ADAMTS19: variants seen among roughly 807,000 people sequenced by gnomAD.
The protein encoded by ADAMTS19 is ADAM metallopeptidase with thrombospondin type 1 motif 19, also known as A disintegrin and metalloproteinase with thrombospondin motifs 19.
In ADAMTS19, 93 loss-of-function variants were observed where a neutral mutation model predicts 153.3. The ratio of observed to expected loss-of-function variants is 0.61; its 90% CI spans 0.51 to 0.72. The LOEUF is 0.72. Among genes scored for constraint, ADAMTS19 ranks in the 30% least tolerant of loss-of-function variants. The pLI, the probability that ADAMTS19 is intolerant of heterozygous loss-of-function variation, is 0.00. For missense variants in ADAMTS19, 1,482 were observed against 1,552.1 expected (o/e 0.95, Z 0.76); for synonymous variants, 600 against 556.6 (o/e 1.08, Z -1.10).
chr5:129,730,473 G>C (rs953966252), intron 21 of ADAMTS19, among the ~76,000 whole-genome samples: 19 of 152,082 alleles, frequency 1.2e-4, no homozygotes, highest in Non-Finnish European at 2.9e-5. Context: ...TCTGCAGTAA[G>C]CTATTGTCAT....
chr5:129,517,793 A>T (rs1751661693), intron 3 of ADAMTS19, among the ~76,000 whole-genome samples: 1 of 151,878 alleles, frequency 6.6e-6, no homozygotes, highest in African/African-American at 2.4e-5. Flanking sequence ...TAATGTTATT[A>T]TTGATAAGTA....
chr5:129,628,382 A>G (rs745683016), intron 10 of ADAMTS19, among the ~76,000 whole-genome samples: 22 of 152,180 alleles, frequency 1.4e-4, no homozygotes, highest in Admixed American at 4.6e-4. Flanking sequence ...TGATGAAATC[A>G]TCTGTACAAC....
intron 19 of ADAMTS19, among the ~76,000 whole-genome samples, chr5:129,699,422 CAAAAAA>C (rs536240544): frequency 1.2e-5 from 1 of 80,586 alleles, no homozygotes; most frequent in Admixed American, 1.4e-4. Context: ...GACTTCATCT[CAAAAAA>C]AAAAAAAAAA....
intron 2 of ADAMTS19, among the ~76,000 whole-genome samples, chr5:129,504,902 C>CACA (rs1751223713): frequency 6.7e-6 from 1 of 148,990 alleles, no homozygotes; most frequent in East Asian, 1.9e-4. Context: ...CACACACACA[C>CACA]ACCATTTTTT....
chr5:129,554,821 C>T (rs1214913174), intron 7 of ADAMTS19, among the ~76,000 whole-genome samples: 1 of 152,038 alleles, frequency 6.6e-6, no homozygotes, highest in African/African-American at 2.4e-5. Flanking sequence ...TATTAATAAC[C>T]TCTCTATTGT....
intron 8 of ADAMTS19, among the ~76,000 whole-genome samples, chr5:129,608,140 A>ATATATATATATATATATATATAT (rs1164899419): frequency 7.5e-4 from 100 of 132,804 alleles, no homozygotes; most frequent in African/African-American, 1.0e-3. Context: ...ATATATATAT[A>ATATATATATATATATATATATAT]ATGGAACATT....
At chr5:129,525,265 G>A (rs1342970007) in intron 3 of ADAMTS19, among the ~76,000 whole-genome samples, 1 of 152,058 alleles carries the variant, frequency 6.6e-6, no homozygotes, top group Non-Finnish European at 1.5e-5. Flanking sequence ...CTCTCAGCGT[G>A]TATGCATATG....
rs192508458 is a variant in ADAMTS19, at chr5:129,696,347, G to T, written c.2954+1492G>T. Among the ~76,000 whole-genome samples the T allele has an allele frequency of 9.9e-5, 15 of 152,264 alleles. No individual in the cohort carries two copies. The East Asian group carries it at 2.7e-3, about 28-fold the overall frequency. On this transcript the variant is annotated intron_variant, in intron 19 of 22. Coordinates refer to ENST00000274487, the MANE Select transcript of ADAMTS19 (RefSeq NM_133638.6). ...CAGGAGAATCACTTGAACCCAGGAG[G>T]TGGAGGTTCTAGTGAGCAGAGATCA... is the stretch of plus-strand genomic sequence containing the variant.
At chr5:129,591,513 G>A (rs915457990) in intron 7 of ADAMTS19, among the ~76,000 whole-genome samples, 2 of 151,702 alleles carry the variant, frequency 1.3e-5, no homozygotes, top group Non-Finnish European at 2.9e-5. Flanking sequence ...GGGTGGTCTC[G>A]AACTCCTGAC....
chr5:129,516,888 CTTT>C (rs200576506), intron 3 of ADAMTS19, among the ~76,000 whole-genome samples: 2 of 105,694 alleles, frequency 1.9e-5, no homozygotes, highest in Admixed American at 9.2e-5. Context: ...GAGATTTTTC[CTTT>C]TTTTTTTTTT....
chr5:129,586,924 A>G (rs979818334), intron 7 of ADAMTS19, among the ~76,000 whole-genome samples: 25 of 152,190 alleles, frequency 1.6e-4, no homozygotes, highest in African/African-American at 6.0e-4. Flanking sequence ...TAAAAATGTC[A>G]TATTTTGTTG....
intron 18 of ADAMTS19, 109 bp from the exon 19 acceptor site, chr5:129,694,611 T>C (rs1392238791): frequency 2.8e-6 from 2 of 710,676 alleles, no homozygotes; most frequent in East Asian, 8.5e-5. Flanking sequence ...ATTTAAATTA[T>C]AAAAAAGTTT....
intron 16 of ADAMTS19, among the ~76,000 whole-genome samples, chr5:129,671,400 A>G (rs1287166572): frequency 1.3e-5 from 2 of 152,180 alleles, no homozygotes; most frequent in African/African-American, 4.8e-5. Context: ...AGAAGAAATG[A>G]CACTGTGTTG....
intron 2 of ADAMTS19, among the ~76,000 whole-genome samples, chr5:129,468,097 T>C (rs558530046): frequency 6.6e-6 from 1 of 152,332 alleles, no homozygotes; most frequent in African/African-American, 2.4e-5. Context: ...GAATACAATA[T>C]TTTCCTATTA....
At chr5:129,559,199 G>A (rs996429481) in intron 7 of ADAMTS19, among the ~76,000 whole-genome samples, 7 of 151,902 alleles carry the variant, frequency 4.6e-5, no homozygotes, top group Non-Finnish European at 1.0e-4. Context: ...TGTGAAATGA[G>A]GTGAATCTTA....
intron 15 of ADAMTS19, among the ~76,000 whole-genome samples, chr5:129,662,017 T>A (rs17163173): frequency 0.091 from 13,878 of 152,206 alleles, 695 homozygotes; most frequent in African/African-American, 0.12. Context: ...AATGCAGTGT[T>A]GGAAAGTGTT....
At chr5:129,462,853 A>G (rs180800121) in intron 2 of ADAMTS19, among the ~76,000 whole-genome samples, 21 of 152,312 alleles carry the variant, frequency 1.4e-4, no homozygotes, top group African/African-American at 5.1e-4. Context: ...TGAGAAATCC[A>G]CAAGAACTTG....
At chr5:129,671,721 G>A (rs1389205175) in intron 16 of ADAMTS19, among the ~76,000 whole-genome samples, 1 of 151,726 alleles carries the variant, frequency 6.6e-6, no homozygotes, top group Non-Finnish European at 1.5e-5. Flanking sequence ...GAAGATTCTG[G>A]CATTATTGTC....
intron 7 of ADAMTS19, among the ~76,000 whole-genome samples, chr5:129,591,027 C>G (rs1310272181): frequency 1.3e-5 from 2 of 152,130 alleles, no homozygotes; most frequent in Non-Finnish European, 2.9e-5. Context: ...AGGCCACCAC[C>G]TCTGTGAGAG....
Sources: allele counts gnomAD v4.1 joint callset (sites outside exome capture counted in the v4.1 genomes callset), GRCh38; gene constraint gnomAD v4.1.1; transcripts MANE v1.5; gene names NCBI Gene and HGNC (gene_info 2026-07-23, HGNC 2026-07-21).